WDPCP: variants seen among roughly 807,000 people sequenced by gnomAD.
WDPCP encodes WD repeat-containing and planar cell polarity effector protein fritz homolog.
Under a neutral mutation model 93.1 loss-of-function variants are expected in WDPCP, and 71 were observed. The ratio of observed to expected loss-of-function variants is 0.76; its 90% CI spans 0.63 to 0.93. The LOEUF (loss-of-function observed/expected upper bound fraction) is 0.93. Among genes scored for constraint, WDPCP ranks in the 40% least tolerant of loss-of-function variants. The pLI, the probability that WDPCP is intolerant of heterozygous loss-of-function variation, is 0.00. For synonymous variants in WDPCP, 315 were observed against 315.0 expected (o/e 1.00, Z 0.00); for missense variants, 844 against 887.4 (o/e 0.95, Z 0.62).
At chr2:63,331,571 G>C (rs1314276116) in intron 12 of WDPCP, among the ~76,000 whole-genome samples, 1 of 151,992 alleles carries the variant, frequency 6.6e-6, no homozygotes, top group Non-Finnish European at 1.5e-5. Flanking sequence ...CAGTGCAAGG[G>C]GTTTAGATGA....
intron 3 of WDPCP, among the ~76,000 whole-genome samples, chr2:63,634,994 T>A (rs1002820566): frequency 6.6e-6 from 1 of 151,886 alleles, no homozygotes; most frequent in Non-Finnish European, 1.5e-5. Flanking sequence ...CTAAATTAAG[T>A]AAGAAAAACA....
intron 10 of WDPCP, among the ~76,000 whole-genome samples, chr2:63,399,044 A>T (rs1185160426): frequency 6.6e-6 from 1 of 152,190 alleles, no homozygotes; most frequent in Non-Finnish European, 1.5e-5. Context: ...ACTTTGTAAT[A>T]AATATTAATC....
intron 2 of WDPCP, among the ~76,000 whole-genome samples, chr2:63,491,768 AC>A (rs1417088386): frequency 6.6e-6 from 1 of 152,092 alleles, no homozygotes; most frequent in Non-Finnish European, 1.5e-5. Context: ...GATGACACAT[AC>A]CATCTTCTAC....
At chr2:63,212,926 T>C (rs1254515061) in intron 14 of WDPCP, among the ~76,000 whole-genome samples, 1 of 152,010 alleles carries the variant, frequency 6.6e-6, no homozygotes, top group African/African-American at 2.4e-5. Flanking sequence ...GAGCTAACTA[T>C]CCTAAATATA....
intron 1 of WDPCP, among the ~76,000 whole-genome samples, chr2:63,494,649 G>A (rs1409077571): frequency 1.3e-5 from 2 of 152,068 alleles, no homozygotes; most frequent in Non-Finnish European, 2.9e-5. Context: ...GGCCAGGCGC[G>A]GTGGCTCATG....
At chr2:63,761,256 T>C (rs1158445358) in intron 2 of WDPCP, among the ~76,000 whole-genome samples, 3 of 152,198 alleles carry the variant, frequency 2.0e-5, no homozygotes, top group African/African-American at 7.2e-5. Context: ...TCACACTCTC[T>C]TGCCCTTCTG....
At chr2:63,483,894 A>T (rs1700409739) in intron 6 of WDPCP, among the ~76,000 whole-genome samples, 1 of 151,920 alleles carries the variant, frequency 6.6e-6, no homozygotes, top group Non-Finnish European at 1.5e-5. Flanking sequence ...ATCAGTGTAC[A>T]CTAATTATTA....
Position 63,702,828 on chromosome 2 carries a change from G to A in WDPCP, n.309-51990C>T, listed in dbSNP as rs887104496. 6.0e-5 allele frequency among the ~76,000 whole-genome samples: 9 copies of A among 151,094 alleles called. No individual in the cohort carries two copies. The South Asian group carries it at 6.3e-4, about 10-fold the overall frequency. On this transcript the variant is annotated intron_variant and non_coding_transcript_variant, in intron 2 of 4. Transcript: ENST00000467687. ...GTTGGTGTGCTGCACCGATTAACTC[G>A]TCATTTAGCATTGGGTATATCTCCT...
rs191649059 is a variant in WDPCP, at chr2:63,816,503, T to C, written n.223-2796A>G. On this transcript the variant is annotated intron_variant and non_coding_transcript_variant, in intron 1 of 4. Coordinates refer to the WDPCP transcript ENST00000467687. Reference sequence around the variant, plus strand: ...CACAGAGACACAGGGAGAAAGGCCATATAAAGACAGAGGCAGAGACTGGAG... The same window carrying C: ...CACAGAGACACAGGGAGAAAGGCCACATAAAGACAGAGGCAGAGACTGGAG... 1.2e-3 allele frequency among the ~76,000 whole-genome samples: 175 copies of C among 152,150 alleles called. 1 individual carries two copies. Among genetic ancestry groups the C allele is most frequent in the Middle Eastern group, 3.4e-3 (1 of 294 alleles).
At chr2:63,647,357 A>T (rs1710064459) in intron 3 of WDPCP, among the ~76,000 whole-genome samples, 1 of 151,904 alleles carries the variant, frequency 6.6e-6, no homozygotes, top group Non-Finnish European at 1.5e-5. Flanking sequence ...GTTGGTCTTG[A>T]ACTCCTGACC....
At chr2:63,699,461 G>C (rs1035810846) in intron 2 of WDPCP, among the ~76,000 whole-genome samples, 2 of 152,206 alleles carry the variant, frequency 1.3e-5, no homozygotes, top group Non-Finnish European at 2.9e-5. Context: ...TTACAAAGAA[G>C]GAACTGAGAG....
chr2:63,261,566 A>G (rs949040261), intron 13 of WDPCP, among the ~76,000 whole-genome samples: 5 of 152,230 alleles, frequency 3.3e-5, no homozygotes, highest in Admixed American at 2.6e-4. Flanking sequence ...AACGTCAGCT[A>G]AAGATTTTGA....
chr2:63,276,694 T>C (rs770117871), intron 13 of WDPCP, among the ~76,000 whole-genome samples: 20 of 152,162 alleles, frequency 1.3e-4, no homozygotes, highest in Non-Finnish European at 2.5e-4. Flanking sequence ...AAATAATTTA[T>C]AAATGTGAAG....
intron 1 of WDPCP, among the ~76,000 whole-genome samples, chr2:63,554,164 T>C (rs1310327055): frequency 6.6e-6 from 1 of 152,256 alleles, no homozygotes; most frequent in Non-Finnish European, 1.5e-5. Context: ...CTGCTGTCTC[T>C]TGATTTTGAC....
At position 63,530,933 on chromosome 2, in the gene WDPCP, C is replaced by A. The variant is rs148141324; in HGVS notation, c.76-37993G>T. Among the ~76,000 whole-genome samples, 23 of 152,352 alleles carry A rather than the reference C, an allele frequency of 1.5e-4. No homozygotes were observed. In the East Asian group the frequency reaches 4.4e-3, roughly 29 times the overall value. On this transcript the variant is annotated intron_variant, in intron 1 of 17. Transcript: ENST00000272321. Reference sequence around the variant, plus strand: ...TGCAAGGGGTTGGGGAATTCCCTTTCCTAGCCAAGCGAAGCAGTAACAGAC... The same window carrying A: ...TGCAAGGGGTTGGGGAATTCCCTTTACTAGCCAAGCGAAGCAGTAACAGAC...
At chr2:63,566,735 A>G (rs1707089256) in intron 1 of WDPCP, among the ~76,000 whole-genome samples, 1 of 152,160 alleles carries the variant, frequency 6.6e-6, no homozygotes. Flanking sequence ...AACAGACTCT[A>G]CAGGTTTAAG....
At chr2:63,226,255 G>C (rs963211555) in intron 14 of WDPCP, among the ~76,000 whole-genome samples, 1 of 151,858 alleles carries the variant, frequency 6.6e-6, no homozygotes, top group African/African-American at 2.4e-5. Context: ...AGCTGTGTCT[G>C]CTGGAAGGGA....
intron 17 of WDPCP, among the ~76,000 whole-genome samples, chr2:63,151,215 G>GT (rs1354440092): frequency 6.6e-6 from 1 of 152,054 alleles, no homozygotes; most frequent in South Asian, 2.1e-4. Flanking sequence ...ACAGGATGCT[G>GT]TTTTTTTGTT....
intron 1 of WDPCP, among the ~76,000 whole-genome samples, chr2:63,536,502 C>T (rs1178002830): frequency 1.3e-5 from 2 of 152,158 alleles, no homozygotes; most frequent in Admixed American, 1.3e-4. Context: ...AAATGTGGCA[C>T]ATATACACCA....
Sources: allele counts gnomAD v4.1 joint callset (sites outside exome capture counted in the v4.1 genomes callset), GRCh38; gene constraint gnomAD v4.1.1; transcripts MANE v1.5; gene names NCBI Gene and HGNC (gene_info 2026-07-23, HGNC 2026-07-21).